The following SNX29 variants were observed in gnomAD, a reference collection of about 807,000 sequenced individuals.
SNX29 encodes the protein sorting nexin 29.
A neutral mutation model predicts 102.1 loss-of-function variants in SNX29; 78 were observed. That is an observed-to-expected ratio of 0.76 (90% confidence interval 0.64 to 0.92). The LOEUF (loss-of-function observed/expected upper bound fraction) is 0.92. SNX29 is among the 40% of genes least tolerant of loss of function. SNX29 has a pLI of 0.00. For missense variants in SNX29, 1,280 were observed against 1,061.7 expected, an observed-to-expected ratio of 1.21 and a Z score of -2.86; for synonymous variants, 580 against 414.5, an observed-to-expected ratio of 1.40 and a Z score of -4.85.
chr16:12,463,337 G>T (rs1014310536), intron 18 of SNX29, among the ~76,000 whole-genome samples: 8 of 152,176 alleles, frequency 5.3e-5, no homozygotes, highest in African/African-American at 1.9e-4. Context: ...ACATACCCGA[G>T]ACTGGGCAGT....
chr16:12,385,362 A>G (rs895060759), intron 16 of SNX29, among the ~76,000 whole-genome samples: 1 of 152,232 alleles, frequency 6.6e-6, no homozygotes, highest in African/African-American at 2.4e-5. Flanking sequence ...GAATCCTGAG[A>G]CAACTTGTTC....
chr16:12,036,553 C>G (rs1222704665), intron 4 of SNX29, among the ~76,000 whole-genome samples: 2 of 152,160 alleles, frequency 1.3e-5, no homozygotes, highest in Non-Finnish European at 2.9e-5. Context: ...CCAGGATGGT[C>G]TCGATCTCCT....
chr16:12,464,306 A>G (rs2086953193), intron 18 of SNX29, among the ~76,000 whole-genome samples: 1 of 151,978 alleles, frequency 6.6e-6, no homozygotes, highest in South Asian at 2.1e-4. Flanking sequence ...TAGACACACC[A>G]CATTTTCTTT....
intron 18 of SNX29, among the ~76,000 whole-genome samples, chr16:12,438,884 G>T (rs2085663057): frequency 6.6e-6 from 1 of 152,212 alleles, no homozygotes; most frequent in East Asian, 1.9e-4. Context: ...CCTGTTGGAA[G>T]AACTGGAAGA....
chr16:12,089,156 G>GAAAGAA (rs2052379587), intron 11 of SNX29, among the ~76,000 whole-genome samples: 1 of 149,412 alleles, frequency 6.7e-6, no homozygotes, highest in Admixed American at 6.7e-5. Flanking sequence ...AAGAGAAAGA[G>GAAAGAA]AAAGAAAGAA....
At chr16:12,457,791 C>T (rs984696175) in intron 18 of SNX29, among the ~76,000 whole-genome samples, 12 of 152,156 alleles carry the variant, frequency 7.9e-5, no homozygotes, top group Admixed American at 5.9e-4. Context: ...TGCTATCTTA[C>T]GGGCATTGTT....
At chr16:12,351,432 C>T (rs1741603214) in intron 15 of SNX29, among the ~76,000 whole-genome samples, 1 of 152,096 alleles carries the variant, frequency 6.6e-6, no homozygotes, top group Non-Finnish European at 1.5e-5. Context: ...CCCAAAGAGC[C>T]TCAGTTGCTA....
chr16:12,403,844 T>A (rs1270401322), intron 18 of SNX29, among the ~76,000 whole-genome samples: 1 of 152,158 alleles, frequency 6.6e-6, no homozygotes, highest in Non-Finnish European at 1.5e-5. Flanking sequence ...CAGTGGTAGG[T>A]CGGGCCTTGG....
At chr16:12,202,731 C>A (rs2076943805) in intron 14 of SNX29, among the ~76,000 whole-genome samples, 1 of 152,238 alleles carries the variant, frequency 6.6e-6, no homozygotes, top group Non-Finnish European at 1.5e-5. Flanking sequence ...AGCAGGAGAT[C>A]CCTCTGAAAA....
chr16:12,513,160 C>G (rs897444465), intron 19 of SNX29, among the ~76,000 whole-genome samples: 4 of 151,136 alleles, frequency 2.6e-5, no homozygotes, highest in Non-Finnish European at 4.4e-5. Context: ...TTCCTCTGAA[C>G]TCCTCTCCCC....
intron 13 of SNX29, among the ~76,000 whole-genome samples, chr16:12,131,242 T>G (rs1367575591): frequency 6.6e-6 from 1 of 152,240 alleles, no homozygotes; most frequent in South Asian, 2.1e-4. Flanking sequence ...TTTCTCTAAT[T>G]AAGAGTATGG....
At chr16:12,341,627 G>A (rs1443479690) in intron 15 of SNX29, among the ~76,000 whole-genome samples, 1 of 152,258 alleles carries the variant, frequency 6.6e-6, no homozygotes, top group Non-Finnish European at 1.5e-5. Flanking sequence ...TAGGTGGACA[G>A]AGGCTCCCAT....
chr16:12,078,816 T>C lies in SNX29; in HGVS notation c.1320-17T>C. On this transcript the variant is annotated splice_polypyrimidine_tract_variant and intron_variant, in intron 10 of 20. Transcript: ENST00000566228. Reference sequence around the variant, plus strand: ...TCAGTGGCCGAGTGTAACTTCCTCCTGCCTGCTTTTTCCTAGTGTGGAAGC... The same window carrying C: ...TCAGTGGCCGAGTGTAACTTCCTCCCGCCTGCTTTTTCCTAGTGTGGAAGC... The C allele has an allele frequency of 1.3e-6, 2 of 1,588,946 alleles. No individual in the cohort carries two copies. The highest frequency in any genetic ancestry group is 2.3e-5 in the South Asian group (2 of 86,904).
chr16:12,550,475 G>C (rs1353207204), intron 20 of SNX29, among the ~76,000 whole-genome samples: 2 of 150,600 alleles, frequency 1.3e-5, no homozygotes, highest in African/African-American at 2.4e-5. Context: ...GTGGAGGTTG[G>C]AGTGAGCTGA....
intron 14 of SNX29, among the ~76,000 whole-genome samples, chr16:12,201,245 T>C (rs2076908111): frequency 6.6e-6 from 1 of 152,222 alleles, no homozygotes; most frequent in Admixed American, 6.5e-5. Flanking sequence ...TGGCCCTGAA[T>C]TCATCTCATT....
chr16:12,448,138 A>T (rs2086145643), intron 18 of SNX29, among the ~76,000 whole-genome samples: 1 of 152,218 alleles, frequency 6.6e-6, no homozygotes, highest in Non-Finnish European at 1.5e-5. Context: ...ATGAGCATTG[A>T]AGTTCAGAGG....
intron 14 of SNX29, among the ~76,000 whole-genome samples, chr16:12,275,395 A>T (rs2079213412): frequency 6.6e-6 from 1 of 152,238 alleles, no homozygotes; most frequent in South Asian, 2.1e-4. Flanking sequence ...AACTCAGTCC[A>T]GACCTACTGC....
chr16:12,532,949 C>G (rs141657628), intron 20 of SNX29, among the ~76,000 whole-genome samples: 1 of 152,228 alleles, frequency 6.6e-6, no homozygotes, highest in Non-Finnish European at 1.5e-5. Context: ...AAGTTGGCTG[C>G]GGACCCAGGG....
In SNX29 at chr16:12,073,450, G is replaced by A. The variant is rs1189338465; in HGVS notation, c.1319+4318G>A. Among the ~76,000 whole-genome samples, 29 of 152,082 alleles carry A rather than the reference G, an allele frequency of 1.9e-4. No individual in the cohort carries two copies. The South Asian group carries it at 3.1e-3, about 16-fold the overall frequency. Reference sequence around the variant, plus strand: ...ATGTACCCAGTAGTCATTCAGGAGCGGGTTGTTCAGTTTCCATGTAGTGGA... The same window carrying A: ...ATGTACCCAGTAGTCATTCAGGAGCAGGTTGTTCAGTTTCCATGTAGTGGA... On this transcript the variant is annotated intron_variant, in intron 10 of 20. Coordinates refer to ENST00000566228, the MANE Select transcript of SNX29 (RefSeq NM_032167.5).
Sources: gnomAD v4.1 joint callset for allele counts (sites outside exome capture counted in the v4.1 genomes callset) on GRCh38, gnomAD v4.1.1 for gene constraint, MANE v1.5 for transcripts, NCBI Gene and HGNC (gene_info 2026-07-23, HGNC 2026-07-21) for gene names.